OR9Q1: variants seen among roughly 807,000 people sequenced by gnomAD.
OR9Q1 encodes the protein olfactory receptor family 9 subfamily Q member 1, also known as olfactory receptor 9Q1.
For missense variants in OR9Q1, 374 were observed against 378.8 expected (o/e 0.99, Z 0.11); for synonymous variants, 153 against 148.6 (o/e 1.03, Z -0.22).
intron 2 of OR9Q1, among the ~76,000 whole-genome samples, chr11:58,168,410 T>G (rs1017734485): frequency 1.3e-5 from 2 of 152,208 alleles, no homozygotes; most frequent in Non-Finnish European, 2.9e-5. Flanking sequence ...TATATTCAAA[T>G]TGCCAGCAAT....
rs779879692 is a variant in OR9Q1, at chr11:58,031,472, G to A, written c.-93+7368G>A. The A allele has an allele frequency of 6.2e-6, 10 of 1,613,946 alleles. No homozygotes were observed. Among genetic ancestry groups the A allele is most frequent in the East Asian group, 4.5e-5 (2 of 44,886 alleles). On this transcript the variant is annotated intron_variant, in intron 1 of 2. Transcript: ENST00000335397. ...CCTCTTGTCTCAGCTAACATTTTAT[G>A]GCCCAAATGTCATTGACCATTTCTC...
intron 2 of OR9Q1, among the ~76,000 whole-genome samples, chr11:58,083,517 T>G (rs1443233498): frequency 6.6e-6 from 1 of 152,128 alleles, no homozygotes; most frequent in Non-Finnish European, 1.5e-5. Flanking sequence ...TTTTGAGGAC[T>G]GAGTCATAAA....
chr11:58,178,872 A>C (rs1228206250), intron 2 of OR9Q1, among the ~76,000 whole-genome samples: 2 of 137,800 alleles, frequency 1.5e-5, no homozygotes, highest in African/African-American at 5.1e-5. Flanking sequence ...GACATATTTT[A>C]TATGTATATA....
intron 2 of OR9Q1, among the ~76,000 whole-genome samples, chr11:58,083,536 C>T (rs1398127511): frequency 1.3e-5 from 2 of 151,686 alleles, no homozygotes; most frequent in Admixed American, 1.3e-4. Flanking sequence ...AATTCTTTCC[C>T]AAGGCCAGAG....
At chr11:58,106,870 A>G (rs1049712260) in intron 2 of OR9Q1, among the ~76,000 whole-genome samples, 4 of 152,128 alleles carry the variant, frequency 2.6e-5, no homozygotes, top group Non-Finnish European at 5.9e-5. Flanking sequence ...TTTTTATGTC[A>G]GTACAATACT....
At position 58,160,438 on chromosome 11, in the gene OR9Q1, TTTGTTGTTGTTG is replaced by T. The variant is rs138422584; in HGVS notation, c.-14-18966_-14-18955del. Among the ~76,000 whole-genome samples the T allele has an allele frequency of 3.5e-3, 532 of 150,194 alleles. 4 individuals are homozygous for T. The highest frequency in any genetic ancestry group is 0.011 in the African/African-American group (457 of 40,658). On this transcript the variant is annotated intron_variant, in intron 2 of 2. Transcript: ENST00000335397. Reference sequence around the variant, plus strand: ...AATTTTGATCTGAATGAGTAGAATATTTGTTGTTGTTGTTGTTGTTGTTGTTGTTGTTGTTGT... The same window carrying T: ...AATTTTGATCTGAATGAGTAGAATATTTGTTGTTGTTGTTGTTGTTGTTGT...
At chr11:58,031,964 T>A in intron 1 of OR9Q1, 1 of 998,090 alleles carries the variant, frequency 1.0e-6, no homozygotes, top group Non-Finnish European at 1.5e-6. Context: ...GGTTAGTCAA[T>A]AACATTTAAG....
intron 1 of OR9Q1, among the ~76,000 whole-genome samples, chr11:58,042,627 G>A (rs548025857): frequency 1.1e-3 from 170 of 149,972 alleles, no homozygotes; most frequent in Non-Finnish European, 1.8e-3. Context: ...TTGGCGATGC[G>A]GGCTCTTTTT....
intron 2 of OR9Q1, chr11:58,059,961 G>A (rs556952129): frequency 6.6e-6 from 1 of 152,186 alleles, no homozygotes; most frequent in East Asian, 1.9e-4. Context: ...CTCTGTAATA[G>A]CTCTGAGCTC....
intron 2 of OR9Q1, among the ~76,000 whole-genome samples, chr11:58,097,376 G>A (rs895150018): frequency 6.6e-6 from 1 of 152,128 alleles, no homozygotes; most frequent in African/African-American, 2.4e-5. Context: ...AATTACTGGG[G>A]CATAGGTTAG....
Position 58,167,529 on chromosome 11 carries a change from G to A in OR9Q1, c.-14-11902G>A, listed in dbSNP as rs557783291. On this transcript the variant is annotated intron_variant, in intron 2 of 2. Transcript: ENST00000335397. ...CATCTATTGCCATATTAACTTACTGGCTTAAAACAATAAGCATTTATTATT... is the reference window on the plus strand; with the variant it reads ...CATCTATTGCCATATTAACTTACTGACTTAAAACAATAAGCATTTATTATT... Among the ~76,000 whole-genome samples the A allele has an allele frequency of 2.6e-5, 4 of 152,122 alleles. No homozygotes were observed. In the South Asian group the frequency reaches 8.3e-4, roughly 32 times the overall value.
At chr11:58,162,478 C>T (rs138621707) in intron 2 of OR9Q1, among the ~76,000 whole-genome samples, 310 of 152,174 alleles carry the variant, frequency 2.0e-3, no homozygotes, top group African/African-American at 7.1e-3. Context: ...GTCTATGCCA[C>T]GCTATGGTAG....
chr11:58,082,757 ATAATAATAATAAT>A (rs1316227256), intron 2 of OR9Q1, among the ~76,000 whole-genome samples: 37 of 130,364 alleles, frequency 2.8e-4, no homozygotes, highest in Non-Finnish European at 5.5e-4. Flanking sequence ...AATAATAATA[ATAATAATAATAAT>A]AAAAAGTTAG....
chr11:58,091,594 G>C (rs1853684880), intron 2 of OR9Q1, among the ~76,000 whole-genome samples: 1 of 152,198 alleles, frequency 6.6e-6, no homozygotes. Context: ...TATGTGCAAT[G>C]TGATGCTGAG....
intron 2 of OR9Q1, among the ~76,000 whole-genome samples, chr11:58,161,113 A>G (rs1052521761): frequency 5.3e-5 from 8 of 151,320 alleles, no homozygotes; most frequent in Non-Finnish European, 1.2e-4. Flanking sequence ...GGGCTGGGGG[A>G]GGGATAGCAT....
At chr11:58,092,089 T>C (rs1340075434) in intron 2 of OR9Q1, among the ~76,000 whole-genome samples, 1 of 152,146 alleles carries the variant, frequency 6.6e-6, no homozygotes, top group Non-Finnish European at 1.5e-5. Flanking sequence ...GGGTCTTGCC[T>C]CTTTATCCAA....
At chr11:58,118,299 G>A in intron 2 of OR9Q1, 1 of 516,122 alleles carries the variant, frequency 1.9e-6, no homozygotes, top group South Asian at 3.1e-5. Flanking sequence ...GATTGAAAGT[G>A]GAAGAAGGGG....
chr11:58,134,265 T>A (rs2514188), intron 2 of OR9Q1, among the ~76,000 whole-genome samples: 6 of 152,308 alleles, frequency 3.9e-5, no homozygotes, highest in South Asian at 2.1e-4. Context: ...CAGAGAGCAC[T>A]AGTAGCTCTG....
intron 2 of OR9Q1, among the ~76,000 whole-genome samples, chr11:58,156,632 TATG>T (rs1854410664): frequency 6.6e-6 from 1 of 152,222 alleles, no homozygotes; most frequent in African/African-American, 2.4e-5. Context: ...GTATTTTCTT[TATG>T]ATAATAAACA....
Sources: gnomAD v4.1 joint callset for allele counts (sites outside exome capture counted in the v4.1 genomes callset) on GRCh38, gnomAD v4.1.1 for gene constraint, MANE v1.5 for transcripts, NCBI Gene and HGNC (gene_info 2026-07-23, HGNC 2026-07-21) for gene names.